CCDC171: variants seen among roughly 807,000 people sequenced by gnomAD.
CCDC171 encodes the protein coiled-coil domain containing 171.
CCDC171 carries 177 observed loss-of-function variants against 168.2 expected under a neutral mutation model. The ratio of observed to expected loss-of-function variants is 1.05; its 90% CI spans 0.93 to 1.19. The LOEUF (loss-of-function observed/expected upper bound fraction) is 1.19. Among genes scored for constraint, CCDC171 ranks in the 50% most tolerant of loss-of-function variants. The pLI, the probability that CCDC171 is intolerant of heterozygous loss-of-function variation, is 0.00. For synonymous variants in CCDC171, 687 were observed against 540.8 expected (o/e 1.27, Z -3.75); for missense variants, 1,991 against 1,539.0 (o/e 1.29, Z -4.91).
chr9:15,637,601 T>A (rs1389945553), intron 7 of CCDC171, among the ~76,000 whole-genome samples: 2 of 146,802 alleles, frequency 1.4e-5, no homozygotes, highest in Non-Finnish European at 3.0e-5. Flanking sequence ...GTGTATCTCC[T>A]CATGCTATCC....
intron 2 of CCDC171, 50 bp downstream of exon 2, chr9:15,564,179 G>T: frequency 2.9e-6 from 4 of 1,385,128 alleles, no homozygotes; most frequent in Non-Finnish European, 3.0e-6. Flanking sequence ...TAGTTGCAAG[G>T]AACAGGGAGA....
chr9:15,655,246 G>A (rs747910741), intron 7 of CCDC171, among the ~76,000 whole-genome samples: 14 of 150,842 alleles, frequency 9.3e-5, no homozygotes, highest in Non-Finnish European at 7.4e-5. Context: ...TTATTTTTTC[G>A]CCAAATTTCA....
At chr9:15,745,111 A>C (rs1433683342) in intron 17 of CCDC171, among the ~76,000 whole-genome samples, 1 of 152,224 alleles carries the variant, frequency 6.6e-6, no homozygotes, top group Non-Finnish European at 1.5e-5. Context: ...CCTGTTTCAA[A>C]TTACCAGTAT....
chr9:15,605,698 G>GA (rs893171068), intron 6 of CCDC171, among the ~76,000 whole-genome samples: 7 of 133,470 alleles, frequency 5.2e-5, no homozygotes, highest in East Asian at 2.3e-4. Flanking sequence ...AAAAAAAAAA[G>GA]AAAAAAAAAA....
At chr9:15,955,802 A>G (rs1297331585) in intron 25 of CCDC171, among the ~76,000 whole-genome samples, 2 of 152,112 alleles carry the variant, frequency 1.3e-5, no homozygotes, top group Admixed American at 1.3e-4. Flanking sequence ...AAGATGTGAT[A>G]AGGTGCTTTC....
chr9:15,697,216 C>T (rs1039744957), intron 11 of CCDC171, among the ~76,000 whole-genome samples: 4 of 152,228 alleles, frequency 2.6e-5, no homozygotes, highest in African/African-American at 4.8e-5. Flanking sequence ...CTTCATTTTT[C>T]AGCAGCCACA....
At chr9:15,939,354 TA>T (rs199618275) in intron 25 of CCDC171, among the ~76,000 whole-genome samples, 6 of 151,370 alleles carry the variant, frequency 4.0e-5, no homozygotes, top group Non-Finnish European at 3.0e-5. Context: ...CCTACACAGG[TA>T]AAAAAAAGAA....
intron 1 of CCDC171, among the ~76,000 whole-genome samples, chr9:16,050,924 G>A (rs1833741013): frequency 6.6e-6 from 1 of 152,160 alleles, no homozygotes; most frequent in Admixed American, 6.5e-5. Flanking sequence ...CCATAGTGAA[G>A]CACTTTTATA....
chr9:15,815,311 T>TACAGTAACCAAAACACCATGG (rs1563794788), intron 21 of CCDC171, among the ~76,000 whole-genome samples: 4 of 125,228 alleles, frequency 3.2e-5, no homozygotes, highest in Non-Finnish European at 3.6e-5. Context: ...AACTCTGTGC[T>TACAGTAACCAAAACACCATGG]TTATTGTTCT....
rs936547429 is a variant in CCDC171, at chr9:15,678,616, G to C, written c.1077-142G>C. 3.8e-5 allele frequency: 21 copies of C among 559,628 alleles called. No homozygotes were observed. In the African/African-American group the frequency reaches 4.0e-4, roughly 11 times the overall value. 34.7% of individuals were successfully genotyped at this position (559,628 alleles called of 1,614,324 possible). On this transcript the variant is annotated intron_variant, in intron 9 of 25. Transcript: ENST00000380701. ...CATTTAAGAATATTCAGTACTTTTT[G>C]TTTGAAAAAGGAGTTAGCCTTAAAA...
rs115108683 is a variant in CCDC171, at chr9:15,813,829, G to A, written c.3267+29135G>A. Reference sequence around the variant, plus strand: ...AAAATACTGTAGTTTTGAATAAGGAGGCCAAATGCCTTATGCAGCCATGTT... The same window carrying A: ...AAAATACTGTAGTTTTGAATAAGGAAGCCAAATGCCTTATGCAGCCATGTT... On this transcript the variant is annotated intron_variant, in intron 21 of 25. Coordinates refer to ENST00000380701, the MANE Select transcript of CCDC171 (RefSeq NM_173550.4). 7.7e-3 allele frequency among the ~76,000 whole-genome samples: 1,178 copies of A among 152,234 alleles called. 11 individuals carry two copies. The highest frequency in any genetic ancestry group is 0.027 in the African/African-American group (1,121 of 41,538).
At chr9:15,730,432 C>T (rs1588174570) in intron 16 of CCDC171, among the ~76,000 whole-genome samples, 1 of 151,862 alleles carries the variant, frequency 6.6e-6, no homozygotes, top group African/African-American at 2.4e-5. Flanking sequence ...CTATCATCTT[C>T]ACCTAATCAG....
chr9:15,833,129 A>G (rs2060303566), intron 21 of CCDC171, among the ~76,000 whole-genome samples: 2 of 152,014 alleles, frequency 1.3e-5, no homozygotes, highest in African/African-American at 4.8e-5. Flanking sequence ...CTGGGATTAC[A>G]GGCACACACC....
intron 24 of CCDC171, among the ~76,000 whole-genome samples, chr9:15,904,283 C>A (rs1386648042): frequency 6.6e-6 from 1 of 152,130 alleles, no homozygotes; most frequent in Non-Finnish European, 1.5e-5. Flanking sequence ...AGAGAAAGGT[C>A]GGGTTGCCCA....
intron 25 of CCDC171, among the ~76,000 whole-genome samples, chr9:15,951,863 T>G (rs897581549): frequency 1.3e-5 from 2 of 152,152 alleles, no homozygotes; most frequent in Non-Finnish European, 2.9e-5. Context: ...ATTTAAAAAT[T>G]ATCAGGAAGT....
chr9:16,078,108 G>T, the CCDC171 span, among the ~76,000 whole-genome samples: 6 of 150,012 alleles, frequency 4.0e-5, no homozygotes, highest in Non-Finnish European at 7.4e-5. Flanking sequence ...ACTCACAAAG[G>T]TGAGGGATAT....
In CCDC171 at chr9:15,858,736, A is replaced by G. The variant is rs560044746; in HGVS notation, c.3468+9789A>G. ...TTAACATCTTAATTCATAACAATCT[A>G]GTTTGAATTAATACTGAACTAGGAT... On this transcript the variant is annotated intron_variant, in intron 23 of 25. Coordinates refer to ENST00000380701, the MANE Select transcript of CCDC171 (RefSeq NM_173550.4). Among the ~76,000 whole-genome samples, 11 of 152,120 alleles carry G rather than the reference A, an allele frequency of 7.2e-5. No homozygotes were observed. In the East Asian group the frequency reaches 1.6e-3, roughly 21 times the overall value.
At chr9:16,024,374 A>C (rs1341064930) in intron 6 of CCDC171, among the ~76,000 whole-genome samples, 1 of 152,148 alleles carries the variant, frequency 6.6e-6, no homozygotes, top group African/African-American at 2.4e-5. Flanking sequence ...AAGGGAGATT[A>C]CTCTAATTTA....
In CCDC171 at chr9:15,653,610, C is replaced by T. The variant is rs146173706; in HGVS notation, c.823-3517C>T. 1.6e-3 allele frequency among the ~76,000 whole-genome samples: 243 copies of T among 152,234 alleles called. 1 individual carries two copies. The highest frequency in any genetic ancestry group is 3.3e-3 in the Admixed American group (50 of 15,270). ...CCAAGTGCCTATGATTTAGCTTCAA[C>T]AGTTATCAGCTTATGACCAATCTTA... On this transcript the variant is annotated intron_variant, in intron 7 of 25. Transcript: ENST00000380701.
Sources: gnomAD v4.1 joint callset for allele counts (sites outside exome capture counted in the v4.1 genomes callset) on GRCh38, gnomAD v4.1.1 for gene constraint, MANE v1.5 for transcripts, NCBI Gene and HGNC (gene_info 2026-07-23, HGNC 2026-07-21) for gene names.